The following ARHGAP26 variants were observed in gnomAD, a reference collection of about 807,000 sequenced individuals.
ARHGAP26 encodes the protein rho GTPase-activating protein 26.
A neutral mutation model predicts 104.8 loss-of-function variants in ARHGAP26; 38 were observed. The observed-to-expected ratio is 0.36, with a 90% CI of 0.28 to 0.48. The LOEUF (loss-of-function observed/expected upper bound fraction) is 0.48, where lower values mean the gene tolerates loss of function less well. Ranked by LOEUF, ARHGAP26 falls within the 20% of genes least tolerant of loss-of-function variation. ARHGAP26 has a pLI of 0.99. For synonymous variants in ARHGAP26, 341 were observed against 340.0 expected (o/e 1.00, Z -0.03); for missense variants, 704 against 947.9 (o/e 0.74, Z 3.38).
chr5:143,190,862 T>C (rs1445882837), intron 20 of ARHGAP26, among the ~76,000 whole-genome samples: 1 of 152,208 alleles, frequency 6.6e-6, no homozygotes, highest in Non-Finnish European at 1.5e-5. Context: ...GTAATAAACA[T>C]GAATTGACTA....
intron 20 of ARHGAP26, chr5:143,165,299 G>A (rs1323358437): frequency 6.6e-6 from 1 of 152,240 alleles, no homozygotes; most frequent in African/African-American, 2.4e-5. Context: ...TTGGAGGCTG[G>A]GTGGGGAAGA....
intron 1 of ARHGAP26, among the ~76,000 whole-genome samples, chr5:142,850,491 G>A (rs1483253981): frequency 2.0e-5 from 3 of 152,178 alleles, no homozygotes; most frequent in African/African-American, 7.2e-5. Context: ...TTGAAGCATG[G>A]TAGAGTTGTT....
intron 18 of ARHGAP26, among the ~76,000 whole-genome samples, chr5:143,133,658 T>C (rs976364429): frequency 1.3e-5 from 2 of 152,234 alleles, no homozygotes; most frequent in African/African-American, 4.8e-5. Context: ...CAGTGGCTTC[T>C]ATTGAGCACA....
chr5:142,986,758 G>A (rs1774801451), intron 11 of ARHGAP26, among the ~76,000 whole-genome samples: 1 of 152,298 alleles, frequency 6.6e-6, no homozygotes, highest in South Asian at 2.1e-4. Flanking sequence ...TTATTAAATA[G>A]GGAATCCTTT....
At chr5:143,194,290 A>G (rs1806442317) in intron 20 of ARHGAP26, 1 of 152,360 alleles carries the variant, frequency 6.6e-6, no homozygotes, top group East Asian at 1.9e-4. Context: ...AGGTGTTTGT[A>G]CTTACAGTGC....
In ARHGAP26 at chr5:143,207,231, G is replaced by T. The variant is rs201177393; in HGVS notation, c.2022G>T (p.Ser674=). Residue 674 remains serine (S), a synonymous_variant, in exon 21 of 23, where the codon TCG becomes TCT. Transcript: ENST00000645722. ...PPNPSPTSPL[S]PSWPMFSAPS... is the part of the protein sequence containing the mutation. ...ATCCAAGCCCAACTTCACCCCTCTC[G>T]CCATCTTGGCCCATGTTCTCGGCGC... 2 of 1,613,944 alleles carry T rather than the reference G, an allele frequency of 1.2e-6. No individual in the cohort carries two copies. The highest frequency in any genetic ancestry group is 4.5e-5 in the East Asian group (2 of 44,870).
chr5:143,160,474 G>GTTT (rs201337868), intron 20 of ARHGAP26, among the ~76,000 whole-genome samples: 1,368 of 95,404 alleles, frequency 0.014, 22 homozygotes, highest in African/African-American at 0.086. Context: ...TGCTTTTGGT[G>GTTT]GTTTTTTTTT....
At chr5:143,013,830 C>G (rs1228210276) in intron 11 of ARHGAP26, among the ~76,000 whole-genome samples, 1 of 152,124 alleles carries the variant, frequency 6.6e-6, no homozygotes, top group Non-Finnish European at 1.5e-5. Context: ...TACTTGCTTT[C>G]TTAAAAAGAG....
chr5:143,051,655 T>C (rs968828869), intron 14 of ARHGAP26, among the ~76,000 whole-genome samples: 3 of 152,222 alleles, frequency 2.0e-5, no homozygotes, highest in Admixed American at 1.3e-4. Flanking sequence ...TTAAAATGGA[T>C]GTGCTCAAGT....
chr5:143,108,087 C>T (rs750338665), intron 17 of ARHGAP26, among the ~76,000 whole-genome samples: 2 of 152,290 alleles, frequency 1.3e-5, no homozygotes, highest in Non-Finnish European at 1.5e-5. Context: ...ATCCCTTAGG[C>T]TTGAACTTAC....
At chr5:142,797,565 TG>T (rs1181123793) in intron 1 of ARHGAP26, among the ~76,000 whole-genome samples, 1 of 152,206 alleles carries the variant, frequency 6.6e-6, no homozygotes, top group Non-Finnish European at 1.5e-5. Flanking sequence ...TCACCCTACG[TG>T]GTTGCTTTTG....
At chr5:143,054,870 G>T (rs959479503) in intron 15 of ARHGAP26, among the ~76,000 whole-genome samples, 1 of 152,230 alleles carries the variant, frequency 6.6e-6, no homozygotes, top group Admixed American at 6.5e-5. Flanking sequence ...CTTCTGTTAA[G>T]AATGCATGAT....
chr5:143,191,671 G>A (rs1337115156), intron 20 of ARHGAP26, among the ~76,000 whole-genome samples: 3 of 152,214 alleles, frequency 2.0e-5, no homozygotes, highest in Non-Finnish European at 4.4e-5. Context: ...ACGTCATGAA[G>A]GTGGGACACT....
At chr5:143,012,892 G>T (rs1779095403) in intron 11 of ARHGAP26, among the ~76,000 whole-genome samples, 1 of 151,764 alleles carries the variant, frequency 6.6e-6, no homozygotes, top group Non-Finnish European at 1.5e-5. Context: ...CTGACCTCAT[G>T]ATCCACCCGC....
At chr5:142,791,207 T>G (rs995823736) in intron 1 of ARHGAP26, among the ~76,000 whole-genome samples, 1 of 152,108 alleles carries the variant, frequency 6.6e-6, no homozygotes, top group African/African-American at 2.4e-5. Context: ...GCCTTTTGTC[T>G]TGGATAAACC....
In ARHGAP26 at chr5:142,913,365, C is replaced by G. The variant is rs926409261; in HGVS notation, c.1028+72C>G. The G allele has an allele frequency of 1.3e-5, 19 of 1,407,978 alleles. No individual in the cohort carries two copies. The African/African-American group carries it at 2.1e-4, about 16-fold the overall frequency. The allele number at this position is 1,407,978 out of a possible 1,614,324, so 87.2% of individuals were successfully genotyped here. ...CTATATCTTACTTTTTCTTTCCAGTCAAACCTTTTCTGCTTTTTTCCCCTT... is the reference window on the plus strand; with the variant it reads ...CTATATCTTACTTTTTCTTTCCAGTGAAACCTTTTCTGCTTTTTTCCCCTT... On this transcript the variant is annotated intron_variant, in intron 10 of 22. Transcript: ENST00000645722.
chr5:142,868,885 T>C (rs1235388705), intron 1 of ARHGAP26: 4 of 152,602 alleles, frequency 2.6e-5, no homozygotes, highest in African/African-American at 7.2e-5. Flanking sequence ...ATTCCACCTG[T>C]AAGCCAGCTT....
chr5:142,809,858 T>G (rs1763723749), intron 1 of ARHGAP26, among the ~76,000 whole-genome samples: 1 of 152,236 alleles, frequency 6.6e-6, no homozygotes, highest in Non-Finnish European at 1.5e-5. Context: ...TAAACACTGT[T>G]GCATTTGGTT....
intron 11 of ARHGAP26, among the ~76,000 whole-genome samples, chr5:142,987,809 T>C (rs1480590917): frequency 1.3e-5 from 2 of 152,162 alleles, no homozygotes; most frequent in Non-Finnish European, 2.9e-5. Context: ...TATTGATTTG[T>C]GTGTATTGAA....
Sources: gnomAD v4.1 joint callset for allele counts (sites outside exome capture counted in the v4.1 genomes callset) on GRCh38, gnomAD v4.1.1 for gene constraint, MANE v1.5 for transcripts, NCBI Gene and HGNC (gene_info 2026-07-23, HGNC 2026-07-21) for gene names.